Variants in GRM7 observed in about 807,000 individuals in gnomAD.
GRM7 encodes metabotropic glutamate receptor 7.
GRM7 carries 35 observed loss-of-function variants against 84.5 expected under a neutral mutation model. The observed-to-expected ratio is 0.41, with a 90% CI of 0.32 to 0.55. The LOEUF is 0.55. Among genes scored for constraint, GRM7 ranks in the 20% least tolerant of loss-of-function variants. GRM7 has a pLI of 0.19. For synonymous variants in GRM7, 487 were observed against 455.1 expected, an observed-to-expected ratio of 1.07 and a Z score of -0.89; for missense variants, 1,003 against 1,194.6, an observed-to-expected ratio of 0.84 and a Z score of 2.36.
At chr3:7,569,030 C>A (rs113663377) in intron 7 of GRM7, among the ~76,000 whole-genome samples, 4,087 of 152,282 alleles carry the variant, frequency 0.027, 152 homozygotes, top group African/African-American at 0.09. Context: ...TGTGTGGGAT[C>A]CACTGGATGA....
At chr3:6,867,226 T>C (rs1393180536) in intron 1 of GRM7, among the ~76,000 whole-genome samples, 1 of 152,236 alleles carries the variant, frequency 6.6e-6, no homozygotes, top group Non-Finnish European at 1.5e-5. Flanking sequence ...TCTGCATTAA[T>C]GTAAGGTTCA....
Position 7,075,496 on chromosome 3 carries a change from ATGTGTGTGTGTGTGTG to A in GRM7, c.520-70922_520-70907del, listed in dbSNP as rs376048569. ...CTATCCAAAACTTCTTGCTTCTCAG[ATGTGTGTGTGTGTGTG>A]TGTGTGTGTGTGTGTGTGTGTGTGT... On this transcript the variant is annotated intron_variant, in intron 1 of 9. Transcript: ENST00000357716. Among the ~76,000 whole-genome samples the A allele has an allele frequency of 3.0e-3, 409 of 138,586 alleles. 12 individuals carry two copies. In the East Asian group the frequency reaches 0.065, roughly 22 times the overall value. The allele number at this position is 138,586 out of a possible 152,430, so 90.9% of individuals were successfully genotyped here.
chr3:7,616,727 A>C (rs1358781971), intron 8 of GRM7, among the ~76,000 whole-genome samples: 1 of 152,174 alleles, frequency 6.6e-6, no homozygotes, highest in East Asian at 1.9e-4. Context: ...CAATCTTTTG[A>C]TCACAATGGA....
chr3:7,267,339 A>AT (rs1698680309), intron 2 of GRM7, among the ~76,000 whole-genome samples: 1 of 152,216 alleles, frequency 6.6e-6, no homozygotes. Flanking sequence ...AAGAAAAAGC[A>AT]TTTTTCCTAG....
intron 7 of GRM7, among the ~76,000 whole-genome samples, chr3:7,554,976 A>G (rs528875487): frequency 6.6e-6 from 1 of 152,276 alleles, no homozygotes; most frequent in East Asian, 1.9e-4. Flanking sequence ...GTGGTCAGAA[A>G]GGGCATCTCC....
intron 2 of GRM7, among the ~76,000 whole-genome samples, chr3:7,223,189 A>G (rs1696867994): frequency 6.6e-6 from 1 of 152,018 alleles, no homozygotes; most frequent in Non-Finnish European, 1.5e-5. Flanking sequence ...CTTATATTAG[A>G]CTTTAAATAT....
chr3:7,254,088 GTCAGGC>G (rs1374309410), intron 2 of GRM7, among the ~76,000 whole-genome samples: 2 of 152,144 alleles, frequency 1.3e-5, no homozygotes, highest in African/African-American at 4.8e-5. Flanking sequence ...GGATTACCAT[GTCAGGC>G]CTTCTTGGGC....
At chr3:7,570,105 C>T (rs115112761) in intron 7 of GRM7, among the ~76,000 whole-genome samples, 1,585 of 152,268 alleles carry the variant, frequency 0.01, 14 homozygotes, top group South Asian at 0.026. Context: ...CACCTCCCAC[C>T]AAGTTTCTCC....
intron 1 of GRM7, among the ~76,000 whole-genome samples, chr3:7,014,675 G>A (rs1487736291): frequency 6.6e-6 from 1 of 152,104 alleles, no homozygotes; most frequent in African/African-American, 2.4e-5. Flanking sequence ...ACTGTGTTCT[G>A]CCTCAAGTCA....
intron 8 of GRM7, among the ~76,000 whole-genome samples, chr3:7,647,135 G>T (rs1289594349): frequency 2.0e-5 from 3 of 152,234 alleles, no homozygotes. Flanking sequence ...ACCCGTGTGG[G>T]TATGAGGATG....
At chr3:7,403,747 G>GTATATATGTA in intron 4 of GRM7, among the ~76,000 whole-genome samples, 1 of 148,714 alleles carries the variant, frequency 6.7e-6, no homozygotes, top group South Asian at 2.1e-4. Flanking sequence ...GTATATATGT[G>GTATATATGTA]AATATATTTG....
rs550895370 is a variant in GRM7 at position 6,872,104 on chromosome 3, G to C, written c.519+10197G>C. Among the ~76,000 whole-genome samples, 45 of 152,170 alleles carry C rather than the reference G, an allele frequency of 3.0e-4. 2 individuals are homozygous for C. In the South Asian group the frequency reaches 9.3e-3, roughly 32 times the overall value. ...ACATGGAAAGGAAATGTTACTTTTGGATTTGGGAGGTATGAAAGATCCACT... is the reference window on the plus strand; with the variant it reads ...ACATGGAAAGGAAATGTTACTTTTGCATTTGGGAGGTATGAAAGATCCACT... On this transcript the variant is annotated intron_variant, in intron 1 of 9. Transcript: ENST00000357716.
chr3:7,146,738 C>A, intron 2 of GRM7, 70 bp downstream of exon 2: 1 of 1,069,206 alleles, frequency 9.4e-7, no homozygotes, highest in Non-Finnish European at 1.4e-6. Context: ...TCTCTTCAAA[C>A]TTCATTAAAT....
At chr3:7,467,242 C>T (rs1186710270) in intron 7 of GRM7, among the ~76,000 whole-genome samples, 1 of 152,244 alleles carries the variant, frequency 6.6e-6, no homozygotes, top group South Asian at 2.1e-4. Context: ...CACGTGCCAC[C>T]ACACCCAGCT....
In GRM7 at chr3:7,023,496, G is replaced by A. The variant is rs1257820978; in HGVS notation, c.520-122956G>A. Among the ~76,000 whole-genome samples, 5 of 152,092 alleles carry A rather than the reference G, an allele frequency of 3.3e-5. No individual in the cohort carries two copies. In the East Asian group the frequency reaches 9.7e-4, roughly 30 times the overall value. ...CATTTTCTGTGCCCCAACATAAGGGGCACTCACCGCGTGAGTCTTCTAGGA... is the reference window on the plus strand; with the variant it reads ...CATTTTCTGTGCCCCAACATAAGGGACACTCACCGCGTGAGTCTTCTAGGA... On this transcript the variant is annotated intron_variant, in intron 1 of 9. Coordinates refer to ENST00000357716, the MANE Select transcript of GRM7 (RefSeq NM_000844.4).
At chr3:7,102,274 G>T (rs570770192) in intron 1 of GRM7, among the ~76,000 whole-genome samples, 2 of 147,298 alleles carry the variant, frequency 1.4e-5, no homozygotes, top group East Asian at 4.0e-4. Flanking sequence ...TTGTTTGTGT[G>T]TTTATTTTGC....
intron 1 of GRM7, among the ~76,000 whole-genome samples, chr3:6,878,055 C>G (rs1030098228): frequency 6.6e-6 from 1 of 151,864 alleles, no homozygotes; most frequent in Non-Finnish European, 1.5e-5. Flanking sequence ...TCATTTAAGA[C>G]CAATACAGCA....
intron 2 of GRM7, among the ~76,000 whole-genome samples, chr3:7,160,418 G>T (rs1471418940): frequency 1.3e-5 from 2 of 152,136 alleles, no homozygotes; most frequent in African/African-American, 4.8e-5. Context: ...CCCCAGTTTC[G>T]TCCTTGTTTT....
intron 4 of GRM7, among the ~76,000 whole-genome samples, chr3:7,358,060 C>T (rs1016816013): frequency 7.9e-5 from 12 of 152,104 alleles, no homozygotes; most frequent in African/African-American, 2.9e-4. Context: ...TCCTCCGTTG[C>T]TCCATTCCTC....
Sources: allele counts gnomAD v4.1 joint callset (sites outside exome capture counted in the v4.1 genomes callset), GRCh38; gene constraint gnomAD v4.1.1; transcripts MANE v1.5; gene names NCBI Gene and HGNC (gene_info 2026-07-23, HGNC 2026-07-21).